The following PPP6R2 variants were observed in gnomAD, a reference collection of about 807,000 sequenced individuals.
PPP6R2 encodes the protein protein phosphatase 6 regulatory subunit 2, also known as serine/threonine-protein phosphatase 6 regulatory subunit 2.
A neutral mutation model predicts 100.2 loss-of-function variants in PPP6R2; 62 were observed. The observed-to-expected ratio is 0.62, with a 90% confidence interval of 0.50 to 0.76. PPP6R2 has a LOEUF of 0.76. PPP6R2 is among the 30% of genes least tolerant of loss of function. PPP6R2 has a pLI of 0.00. For missense variants in PPP6R2, 1,142 were observed against 1,276.3 expected (o/e 0.89, Z 1.60); for synonymous variants, 525 against 514.7 (o/e 1.02, Z -0.27).
At chr22:50,332,385 C>T in the PPP6R2 span, among the ~76,000 whole-genome samples, 3,677 of 152,000 alleles carry the variant, frequency 0.024, 73 homozygotes, top group East Asian at 0.088. Flanking sequence ...TGCCCACCAC[C>T]ACACCTGGTT....
chr22:50,412,630 CTTTTTTTTTTTT>C (rs398037412), intron 4 of PPP6R2, among the ~76,000 whole-genome samples: 2 of 79,866 alleles, frequency 2.5e-5, no homozygotes, highest in Admixed American at 1.6e-4. Flanking sequence ...TAAATAAGTC[CTTTTTTTTTTTT>C]TTTTTTTTTT....
chr22:50,407,578 C>T (rs1452744288), intron 4 of PPP6R2: 1 of 152,328 alleles, frequency 6.6e-6, no homozygotes. Flanking sequence ...TCTTTCAAAA[C>T]AAAGGTCACT....
At chr22:50,379,797 G>T (rs189888590) in intron 2 of PPP6R2, among the ~76,000 whole-genome samples, 1 of 151,956 alleles carries the variant, frequency 6.6e-6, no homozygotes. Context: ...GGAGGATCAC[G>T]TGAGCCTTGG....
chr22:50,374,929 A>C (rs1054067473), intron 2 of PPP6R2, among the ~76,000 whole-genome samples: 2 of 151,162 alleles, frequency 1.3e-5, no homozygotes, highest in Non-Finnish European at 2.9e-5. Flanking sequence ...AAAAAAAAAA[A>C]AAGAGAAAAA....
intron 13 of PPP6R2, 26 bp downstream of exon 13, chr22:50,435,107 C>G: frequency 2.0e-6 from 3 of 1,488,906 alleles, no homozygotes; most frequent in Non-Finnish European, 2.7e-6. Context: ...GGTCATCCTT[C>G]TGCTGGTCGC....
At chr22:50,405,598 T>G (rs1388616336) in intron 3 of PPP6R2, among the ~76,000 whole-genome samples, 1 of 57,238 alleles carries the variant, frequency 1.7e-5, no homozygotes, top group South Asian at 8.3e-4. Context: ...TGGAGAGAGG[T>G]GAGAGGCCTG....
At chr22:50,410,166 A>T (rs1454516523) in intron 4 of PPP6R2, among the ~76,000 whole-genome samples, 1 of 152,048 alleles carries the variant, frequency 6.6e-6, no homozygotes, top group East Asian at 1.9e-4. Context: ...CTGCCCCCCA[A>T]AAATAAACCT....
At chr22:50,364,712 C>T (rs1017843625) in intron 1 of PPP6R2, among the ~76,000 whole-genome samples, 4 of 152,116 alleles carry the variant, frequency 2.6e-5, no homozygotes, top group African/African-American at 9.7e-5. Flanking sequence ...GAAGGCATTC[C>T]AGTCAGAGGG....
At chr22:50,438,382 A>G in intron 18 of PPP6R2, 84 bp downstream of exon 18, 2 of 1,548,884 alleles carry the variant, frequency 1.3e-6, no homozygotes, top group Non-Finnish European at 1.7e-6. Context: ...GTGGTTCGTT[A>G]GCTGGCTTGC....
At chr22:50,366,271 A>G (rs1280186320) in intron 1 of PPP6R2, among the ~76,000 whole-genome samples, 1 of 151,696 alleles carries the variant, frequency 6.6e-6, no homozygotes, top group Non-Finnish European at 1.5e-5. Context: ...AACTGGCAGG[A>G]ATAGGCTCTG....
In PPP6R2 at chr22:50,444,524, CGGGGTGGGGGTG is replaced by C. The variant is rs140356101; in HGVS notation, c.*288_*299del. ...AGCAATAAGGTCGGCCTGCAGGAGC[CGGGGTGGGGGTG>C]GGGGTGGGGGGGGCAGGACCCTGAG... is the stretch of plus-strand genomic sequence containing the variant. On this transcript the variant is annotated 3_prime_UTR_variant, in exon 24 of 24. Coordinates refer to ENST00000612753, the MANE Select transcript of PPP6R2 (RefSeq NM_001242898.2). 127 of 106,720 alleles carry C rather than the reference CGGGGTGGGGGTG, an allele frequency of 1.2e-3. 6 individuals carry two copies. Among genetic ancestry groups the C allele is most frequent in the South Asian group, 9.1e-3 (70 of 7,710 alleles). The allele number at this position is 106,720 out of a possible 1,614,324, so 6.6% of individuals were successfully genotyped here.
At chr22:50,338,442 T>C (rs2042328000), upstream of PPP6R2, among the ~76,000 whole-genome samples, 1 of 134,472 alleles carries the variant, frequency 7.4e-6, no homozygotes, top group South Asian at 2.6e-4. Flanking sequence ...GTGTGTAGAG[T>C]GTGTGGTGTG....
In PPP6R2 at chr22:50,386,290, C is replaced by T. The variant is rs368482671; in HGVS notation, c.-16-7603C>T. ...CCAAGTAGCTGGGATTACAGGTGCC[C>T]GCCACCATACCCAGCTAATTTTGTA... On this transcript the variant is annotated intron_variant, in intron 2 of 23. Transcript: ENST00000612753. 5.1e-4 allele frequency among the ~76,000 whole-genome samples: 77 copies of T among 151,822 alleles called. 3 individuals are homozygous for T. In the South Asian group the frequency reaches 0.013, roughly 26 times the overall value.
chr22:50,347,347 ACTGATTCCC>A (rs1480688568), intron 1 of PPP6R2, among the ~76,000 whole-genome samples: 4 of 151,462 alleles, frequency 2.6e-5, no homozygotes, highest in Non-Finnish European at 5.9e-5. Context: ...TTGTCCAATC[ACTGATTCCC>A]CTTTCCATTA....
chr22:50,369,478 C>G (rs2049506195), intron 1 of PPP6R2, among the ~76,000 whole-genome samples: 1 of 152,008 alleles, frequency 6.6e-6, no homozygotes, highest in Non-Finnish European at 1.5e-5. Context: ...GGGTCTCACT[C>G]TGTTACCCAA....
Position 50,440,018 on chromosome 22 carries a change from G to A in PPP6R2, c.2343G>A (p.Glu781=). The A allele has an allele frequency of 1.2e-6, 2 of 1,613,452 alleles. No homozygotes were observed. Among genetic ancestry groups the A allele is most frequent in the South Asian group, 1.1e-5 (1 of 91,074 alleles). Reference sequence around the variant, plus strand: ...TGGACACAGAATGCAGCCATGCTGAGGGCAGCCGGAGCCAAGGCCCTGAGA... The same window carrying A: ...TGGACACAGAATGCAGCCATGCTGAAGGCAGCCGGAGCCAAGGCCCTGAGA... ...SPVDTECSHA[E]GSRSQGPEKA... Residue 781 remains glutamate, a synonymous_variant, in exon 21 of 24, where the codon GAG becomes GAA. Transcript: ENST00000612753.
intron 3 of PPP6R2, among the ~76,000 whole-genome samples, chr22:50,398,542 A>T (rs1472961363): frequency 1.4e-5 from 2 of 141,966 alleles, no homozygotes; most frequent in East Asian, 2.1e-4. Context: ...TTGGAAACAC[A>T]GTCCTTTCTG....
intron 4 of PPP6R2, 72 bp from the exon 5 acceptor site, chr22:50,414,480 G>A (rs1031841539): frequency 5.2e-6 from 8 of 1,537,390 alleles, no homozygotes; most frequent in African/African-American, 4.1e-5. Context: ...TTTCCCATGA[G>A]AGTTTTTGGA....
intron 12 of PPP6R2, among the ~76,000 whole-genome samples, chr22:50,433,251 G>C (rs2063517767): frequency 1.3e-5 from 2 of 149,302 alleles, no homozygotes; most frequent in African/African-American, 4.9e-5. Flanking sequence ...CTGGGCAGGG[G>C]CCGGGCATTT....
Sources: gnomAD v4.1 joint callset for allele counts (sites outside exome capture counted in the v4.1 genomes callset) on GRCh38, gnomAD v4.1.1 for gene constraint, MANE v1.5 for transcripts, NCBI Gene and HGNC (gene_info 2026-07-23, HGNC 2026-07-21) for gene names.